The following REV3L variants were observed in gnomAD, a reference collection of about 807,000 sequenced individuals.
The protein encoded by REV3L is DNA polymerase zeta catalytic subunit.
Under a neutral mutation model 299.4 loss-of-function variants are expected in REV3L, and 69 were observed. The observed-to-expected ratio is 0.23, with a 90% CI of 0.19 to 0.28. The LOEUF (loss-of-function observed/expected upper bound fraction) is 0.28, where lower values mean the gene tolerates loss of function less well. Ranked by LOEUF, REV3L falls within the 10% of genes least tolerant of loss-of-function variation. The pLI is 1.00. For missense variants in REV3L, 3,128 were observed against 3,693.8 expected (o/e 0.85, Z 3.97); for synonymous variants, 1,238 against 1,271.4 (o/e 0.97, Z 0.56).
chr6:111,341,265 C>G (rs946796799), intron 21 of REV3L, among the ~76,000 whole-genome samples: 40 of 152,204 alleles, frequency 2.6e-4, no homozygotes, highest in South Asian at 1.0e-3. Context: ...CCAGGCTGGT[C>G]TCGAACTCCT....
Position 111,375,386 on chromosome 6 carries a change from A to G in REV3L, c.2969T>C (p.Met990Thr). ...IINRFRGRKN[M>T]LVKLGKIDSK... Reference sequence around the variant, plus strand: ...GTCTATTTTTCCTAGCTTCACAAGCATATTTTTTCTCCCTCTAAATCTATT... The same window carrying G: ...GTCTATTTTTCCTAGCTTCACAAGCGTATTTTTTCTCCCTCTAAATCTATT... Residue 990 changes from methionine (M) to threonine (T), a missense_variant, in exon 13 of 32, where the codon ATG becomes ACG. By Grantham distance (81) the Met-to-Thr change is moderately conservative. Coordinates refer to ENST00000368802, the MANE Select transcript of REV3L (RefSeq NM_001372078.1). 6.3e-7 allele frequency: 1 copy of G among 1,595,142 alleles called. No homozygotes were observed. Among genetic ancestry groups the G allele is most frequent in the Non-Finnish European group, 8.5e-7 (1 of 1,174,186 alleles).
In REV3L at chr6:111,370,505, AT is replaced by A. The variant is rs1158933032; in HGVS notation, c.5759+2090del. Among the ~76,000 whole-genome samples, 9 of 152,332 alleles carry A rather than the reference AT, an allele frequency of 5.9e-5. No individual in the cohort carries two copies. In the East Asian group the frequency reaches 1.7e-3, roughly 29 times the overall value. On this transcript the variant is annotated intron_variant, in intron 13 of 31. Transcript: ENST00000368802. ...CTTTTCTCACCCCTTTATTAAAAAA[AT>A]AAATTTTATTGTGTATATTTAAGGT... is the stretch of plus-strand genomic sequence containing the variant.
chr6:111,411,453 A>G (rs757791469), intron 3 of REV3L, 27 bp downstream of exon 3: 23 of 1,339,086 alleles, frequency 1.7e-5, no homozygotes, highest in Non-Finnish European at 2.4e-5. Flanking sequence ...ATAGTTATTC[A>G]TATTTTGGTT....
chr6:111,461,164 G>C (rs1214396014), intron 1 of REV3L, among the ~76,000 whole-genome samples: 1 of 152,084 alleles, frequency 6.6e-6, no homozygotes, highest in Non-Finnish European at 1.5e-5. Flanking sequence ...AGAAGGAACT[G>C]TTATCATAGG....
intron 1 of REV3L, among the ~76,000 whole-genome samples, chr6:111,417,336 G>C (rs1371380274): frequency 6.6e-6 from 1 of 152,212 alleles, no homozygotes; most frequent in African/African-American, 2.4e-5. Flanking sequence ...ATGCACCATT[G>C]CTCTCATGAA....
chr6:111,478,256 A>T (rs1456298630), intron 1 of REV3L, among the ~76,000 whole-genome samples: 1 of 152,224 alleles, frequency 6.6e-6, no homozygotes, highest in Admixed American at 6.5e-5. Flanking sequence ...ACATTTCTAT[A>T]GTCCAGTCAT....
At chr6:111,350,095 A>C (rs1275218395) in intron 19 of REV3L, among the ~76,000 whole-genome samples, 3 of 152,210 alleles carry the variant, frequency 2.0e-5, no homozygotes, top group African/African-American at 7.2e-5. Flanking sequence ...GAATTTTACC[A>C]ACATCATTTA....
chr6:111,305,852 C>T (rs1772226836), intron 31 of REV3L, among the ~76,000 whole-genome samples: 1 of 151,966 alleles, frequency 6.6e-6, no homozygotes, highest in African/African-American at 2.4e-5. Flanking sequence ...GCCATCAGGA[C>T]AGAAGTCTAT....
chr6:111,351,312 A>C lies in REV3L; in HGVS notation c.7300+364T>G, dbSNP rs1364750159. On this transcript the variant is annotated intron_variant, in intron 19 of 31. Coordinates refer to ENST00000368802, the MANE Select transcript of REV3L (RefSeq NM_001372078.1). ...AGTCAAAGAAATGCTATGTAGCTTC[A>C]TAATAATTATGAAGACTATTTCATA... 4.6e-5 allele frequency among the ~76,000 whole-genome samples: 7 copies of C among 152,156 alleles called. 1 individual carries two copies. Among genetic ancestry groups the C allele is most frequent in the Non-Finnish European group, 7.4e-5 (5 of 68,020 alleles).
At chr6:111,336,821 C>A (rs1004354051) in intron 21 of REV3L, among the ~76,000 whole-genome samples, 1 of 152,082 alleles carries the variant, frequency 6.6e-6, no homozygotes, top group African/African-American at 2.4e-5. Context: ...TATATCCATA[C>A]GATACAGTAT....
At chr6:111,468,846 CAGGT>C (rs1185691619) in intron 1 of REV3L, among the ~76,000 whole-genome samples, 9 of 152,096 alleles carry the variant, frequency 5.9e-5, no homozygotes, top group African/African-American at 1.9e-4. Flanking sequence ...ATGAAGCAGA[CAGGT>C]AGGCCACTTT....
rs865808269 is a variant in REV3L, at chr6:111,331,816, T to C, written c.7926-32A>G. On this transcript the variant is annotated intron_variant, in intron 23 of 31. Transcript: ENST00000368802. ...AGAAAGAGAACATTAAGCAAATACTTCCTCAAATCATAGAACAGAGATTTT... is the reference window on the plus strand; with the variant it reads ...AGAAAGAGAACATTAAGCAAATACTCCCTCAAATCATAGAACAGAGATTTT... 19 of 1,329,612 alleles carry C rather than the reference T, an allele frequency of 1.4e-5. 1 individual carries two copies. In the Middle Eastern group the frequency reaches 3.4e-3, roughly 241 times the overall value. The allele number at this position is 1,329,612 out of a possible 1,614,324, so 82.4% of individuals were successfully genotyped here.
chr6:111,470,868 T>A lies in REV3L; in HGVS notation c.139+11882A>T, dbSNP rs946625192. Among the ~76,000 whole-genome samples the A allele has an allele frequency of 2.4e-4, 37 of 151,890 alleles. 1 individual carries two copies. Among genetic ancestry groups the A allele is most frequent in the Admixed American group, 6.6e-4 (10 of 15,198 alleles). ...GGTGGCACGTGGCTGTAATTCCAGCTACTTGGGAGGCTGAGGCAGGAGAAT... is the reference window on the plus strand; with the variant it reads ...GGTGGCACGTGGCTGTAATTCCAGCAACTTGGGAGGCTGAGGCAGGAGAAT... On this transcript the variant is annotated intron_variant, in intron 1 of 31. Transcript: ENST00000368802.
At position 111,300,053 on chromosome 6, in the gene REV3L, T is replaced by C. The variant is rs1771305374; in HGVS notation, c.9356A>G (p.Lys3119Arg). The C allele has an allele frequency of 1.9e-6, 3 of 1,613,544 alleles. No individual in the cohort carries two copies. In the African/African-American group the frequency reaches 4.0e-5, roughly 22 times the overall value. Residue 3119 changes from lysine (K) to arginine (R), a missense_variant, in exon 32 of 32, where the codon AAG becomes AGG. By Grantham distance (26) the Lys-to-Arg change is conservative. Around this residue, in one of 9 missense-constraint regions of REV3L, gnomAD observed 294 missense variants for 377.0 expected, o/e 0.78. Transcript: ENST00000368802. ...KLSRVNRELS[K>R]APYLRQLLDQ... ...TAATAACTGCCGGAGATATGGTGCC[T>C]TGGACAATTCTCTATTTACTCGGGA...
chr6:111,374,744 CCAT>C lies in REV3L; in HGVS notation c.3608_3610del (p.Asp1203del), dbSNP rs779137150. ...TTGTTTTGCTCTTGGTTTCTTTTTTCCATCATCTACTAGTTTATTTGTCTGATT... is the reference window on the plus strand; with the variant it reads ...TTGTTTTGCTCTTGGTTTCTTTTTTCCATCTACTAGTTTATTTGTCTGATT... On this transcript the variant is annotated inframe_deletion, in exon 13 of 32. Transcript: ENST00000368802. 5 of 1,612,638 alleles carry C rather than the reference CCAT, an allele frequency of 3.1e-6. No homozygotes were observed. The South Asian group carries it at 5.5e-5, about 18-fold the overall frequency.
At chr6:111,390,218 G>T in intron 5 of REV3L, 38 bp from the exon 6 acceptor site, 1 of 1,253,836 alleles carries the variant, frequency 8.0e-7, no homozygotes, top group Non-Finnish European at 1.2e-6. Flanking sequence ...ATAATTATGT[G>T]AGAGCAAACT....
At chr6:111,434,205 A>T (rs1481103558) in intron 1 of REV3L, among the ~76,000 whole-genome samples, 1 of 152,208 alleles carries the variant, frequency 6.6e-6, no homozygotes, top group Non-Finnish European at 1.5e-5. Flanking sequence ...ATGAGGCAAG[A>T]GAGAGAAATA....
intron 30 of REV3L, chr6:111,309,177 T>C (rs1241440188): frequency 6.6e-6 from 1 of 152,290 alleles, no homozygotes; most frequent in East Asian, 1.9e-4. Context: ...AATTAGACCC[T>C]CTAGCTTGTC....
intron 6 of REV3L, 149 bp from the exon 7 acceptor site, chr6:111,389,359 C>A: frequency 1.6e-6 from 1 of 620,312 alleles, no homozygotes; most frequent in Non-Finnish European, 2.8e-6. Context: ...CCTACACTTA[C>A]TATGTTACTC....
Sources: gnomAD v4.1 joint callset for allele counts (sites outside exome capture counted in the v4.1 genomes callset) on GRCh38, gnomAD v4.1.1 for gene constraint, gnomAD v4.1.1 regional missense constraint, MANE v1.5 for transcripts, NCBI Gene and HGNC (gene_info 2026-07-23, HGNC 2026-07-21) for gene names.